TTC7A: variants seen among roughly 807,000 people sequenced by gnomAD.
TTC7A encodes tetratricopeptide repeat domain 7A, also known as tetratricopeptide repeat protein 7A.
Under a neutral mutation model 103.7 loss-of-function variants are expected in TTC7A, and 110 were observed. The ratio of observed to expected loss-of-function variants is 1.06; its 90% CI spans 0.91 to 1.24. TTC7A has a LOEUF of 1.24. Ranked by LOEUF, TTC7A falls within the 50% of genes most tolerant of loss-of-function variation. TTC7A has a pLI of 0.00. For missense variants in TTC7A, 1,340 were observed against 1,116.3 expected (o/e 1.20, Z -2.86); for synonymous variants, 521 against 467.9 (o/e 1.11, Z -1.47).
intron 1 of TTC7A, among the ~76,000 whole-genome samples, chr2:46,948,500 G>T (rs1263221256): frequency 3.9e-5 from 6 of 152,042 alleles, no homozygotes; most frequent in Non-Finnish European, 5.9e-5. Context: ...CATAGCAAAG[G>T]ATCCCATAAC....
chr2:46,987,807 C>CGAGTGTGTGTGT (rs1234466462), intron 5 of TTC7A, among the ~76,000 whole-genome samples: 44 of 110,110 alleles, frequency 4.0e-4, no homozygotes, highest in African/African-American at 1.4e-3. Context: ...TCCCTTTCCG[C>CGAGTGTGTGTGT]GCGTGTGTGT....
At chr2:47,014,243 T>C (rs1678389777) in intron 11 of TTC7A, among the ~76,000 whole-genome samples, 1 of 152,146 alleles carries the variant, frequency 6.6e-6, no homozygotes, top group African/African-American at 2.4e-5. Flanking sequence ...ACAGGAAGCC[T>C]ACATATAGTA....
At chr2:46,995,087 G>A (rs756071060) in intron 7 of TTC7A, 49 bp from the exon 8 acceptor site, 11 of 1,591,082 alleles carry the variant, frequency 6.9e-6, no homozygotes, top group Non-Finnish European at 1.7e-6. Flanking sequence ...CAGTGGTGCT[G>A]TCTGGTGAGG....
chr2:46,996,512 C>G (rs1377322956), intron 8 of TTC7A, among the ~76,000 whole-genome samples: 1 of 152,198 alleles, frequency 6.6e-6, no homozygotes, highest in African/African-American at 2.4e-5. Context: ...GCCTCTGGTG[C>G]CTCAGGCCTC....
intron 14 of TTC7A, among the ~76,000 whole-genome samples, chr2:47,024,981 G>T (rs1679728593): frequency 1.3e-5 from 2 of 152,194 alleles, no homozygotes; most frequent in Non-Finnish European, 2.9e-5. Flanking sequence ...GCCTCAGCCT[G>T]CAGGCTGGCG....
intron 2 of TTC7A, among the ~76,000 whole-genome samples, chr2:46,952,249 C>T (rs919595860): frequency 2.0e-5 from 3 of 151,960 alleles, no homozygotes; most frequent in African/African-American, 7.3e-5. Context: ...ATGCTTGACC[C>T]CACAGACCTT....
intron 5 of TTC7A, among the ~76,000 whole-genome samples, chr2:46,984,746 C>G (rs1674834085): frequency 6.6e-6 from 1 of 152,150 alleles, no homozygotes; most frequent in South Asian, 2.1e-4. Context: ...CCAGGTGACC[C>G]CATTCACTAG....
chr2:47,050,119 C>A lies in TTC7A; in HGVS notation c.2017+73C>A, dbSNP rs77247287. 9.2e-4 allele frequency: 1,190 copies of A among 1,298,764 alleles called. 9 individuals carry two copies. In the African/African-American group the frequency reaches 0.014, roughly 15 times the overall value. 80.5% of individuals were successfully genotyped at this position (1,298,764 alleles called of 1,614,324 possible). On this transcript the variant is annotated intron_variant, in intron 17 of 19. Coordinates refer to ENST00000319190, the MANE Select transcript of TTC7A (RefSeq NM_020458.4). ...CACTCCCAGCTTGAGAGCACCAACA[C>A]AGAGAGGGGCCGGGCCCTCTCCCAG...
intron 2 of TTC7A, among the ~76,000 whole-genome samples, chr2:46,930,506 T>A (rs1241573273): frequency 1.3e-5 from 2 of 149,972 alleles, no homozygotes; most frequent in African/African-American, 2.5e-5. Flanking sequence ...AATTTTTTTT[T>A]TTTTTTTTTT....
intron 3 of TTC7A, among the ~76,000 whole-genome samples, chr2:46,970,172 G>T (rs1009292879): frequency 2.6e-5 from 4 of 151,916 alleles, no homozygotes; most frequent in Non-Finnish European, 5.9e-5. Context: ...TCTATTTTGG[G>T]GGGGACGGGG....
intron 3 of TTC7A, 94 bp from the exon 4 acceptor site, chr2:46,974,879 C>T: frequency 2.6e-6 from 4 of 1,527,600 alleles, no homozygotes; most frequent in East Asian, 2.4e-5. Flanking sequence ...AGAGTGTCTG[C>T]CCCCTCGGAT....
intron 15 of TTC7A, among the ~76,000 whole-genome samples, chr2:47,033,480 T>G (rs958106394): frequency 4.6e-5 from 7 of 152,306 alleles, no homozygotes; most frequent in Middle Eastern, 3.4e-3. Context: ...TTCACTGCTT[T>G]CAGGGAGGCC....
At chr2:47,016,754 G>A (rs1157763274) in intron 11 of TTC7A, among the ~76,000 whole-genome samples, 1 of 152,218 alleles carries the variant, frequency 6.6e-6, no homozygotes, top group African/African-American at 2.4e-5. Context: ...GAAGTGTCTG[G>A]AAAGGGCACA....
chr2:47,008,399 A>G (rs1282609932), intron 10 of TTC7A, among the ~76,000 whole-genome samples: 1 of 152,186 alleles, frequency 6.6e-6, no homozygotes, highest in Non-Finnish European at 1.5e-5. Context: ...GGAGGTAAGG[A>G]GTCTTCTGCC....
chr2:47,004,877 GC>G (rs1195625283), intron 8 of TTC7A, among the ~76,000 whole-genome samples: 2 of 151,942 alleles, frequency 1.3e-5, no homozygotes, highest in Non-Finnish European at 2.9e-5. Flanking sequence ...TCCACCTTTT[GC>G]CCCCAGCCTG....
At chr2:46,975,585 T>C (rs1410532351) in intron 4 of TTC7A, among the ~76,000 whole-genome samples, 1 of 152,090 alleles carries the variant, frequency 6.6e-6, no homozygotes, top group Non-Finnish European at 1.5e-5. Flanking sequence ...CCACTCCCTG[T>C]GGTGGGTCTG....
chr2:47,035,657 A>G (rs1389499036), intron 15 of TTC7A: 1 of 152,234 alleles, frequency 6.6e-6, no homozygotes, highest in African/African-American at 2.4e-5. Context: ...GGAAAGAGGA[A>G]GGAACATAGA....
intron 4 of TTC7A, among the ~76,000 whole-genome samples, chr2:46,976,590 G>A (rs1166872577): frequency 6.6e-6 from 1 of 152,184 alleles, no homozygotes; most frequent in Non-Finnish European, 1.5e-5. Flanking sequence ...GTCCACCCCA[G>A]GCCAGGTCAT....
intron 5 of TTC7A, among the ~76,000 whole-genome samples, chr2:46,991,465 C>T (rs1320178813): frequency 6.6e-6 from 1 of 152,092 alleles, no homozygotes; most frequent in Non-Finnish European, 1.5e-5. Flanking sequence ...AAGACCTCAT[C>T]TCTGCAAATA....
Sources: allele counts gnomAD v4.1 joint callset (sites outside exome capture counted in the v4.1 genomes callset), GRCh38; gene constraint gnomAD v4.1.1; transcripts MANE v1.5; gene names NCBI Gene and HGNC (gene_info 2026-07-23, HGNC 2026-07-21).